The following SGCE variants were observed in gnomAD, a reference collection of about 807,000 sequenced individuals.
The protein encoded by SGCE is sarcoglycan epsilon, also known as epsilon-sarcoglycan.
A neutral mutation model predicts 57.8 loss-of-function variants in SGCE; 26 were observed. The observed-to-expected ratio is 0.45, with a 90% CI of 0.33 to 0.62. The LOEUF (loss-of-function observed/expected upper bound fraction) is 0.62. Ranked by LOEUF, SGCE falls within the 20% of genes least tolerant of loss-of-function variation. The pLI is 0.02. For missense variants in SGCE, 468 were observed against 548.6 expected, an observed-to-expected ratio of 0.85 and a Z score of 1.47; for synonymous variants, 183 against 189.5, an observed-to-expected ratio of 0.97 and a Z score of 0.28.
intron 4 of SGCE, among the ~76,000 whole-genome samples, chr7:94,622,787 T>C (rs1181170916): frequency 1.3e-5 from 2 of 152,184 alleles, no homozygotes; most frequent in Non-Finnish European, 2.9e-5. Flanking sequence ...AACTTTAAAT[T>C]GCTGAAAGAC....
chr7:94,647,506 G>C (rs1293856540), intron 1 of SGCE, among the ~76,000 whole-genome samples: 2 of 152,144 alleles, frequency 1.3e-5, no homozygotes, highest in African/African-American at 4.8e-5. Context: ...AACAGCTAAA[G>C]TGCTCTTTTT....
At chr7:94,616,066 TAGG>T (rs1363106716) in intron 5 of SGCE, among the ~76,000 whole-genome samples, 5 of 152,160 alleles carry the variant, frequency 3.3e-5, no homozygotes, top group African/African-American at 1.2e-4. Flanking sequence ...CTGTTTGATT[TAGG>T]AGAAGTTTGA....
At chr7:94,609,564 A>T (rs985460199) in intron 5 of SGCE, among the ~76,000 whole-genome samples, 1 of 152,220 alleles carries the variant, frequency 6.6e-6, no homozygotes, top group African/African-American at 2.4e-5. Flanking sequence ...CAGAGACCTT[A>T]ACAGACACCT....
chr7:94,588,686 C>T lies in SGCE; in HGVS notation c.1297+3G>A. The stretch of plus-strand genomic sequence containing the variant: ...ACATTAATTTATTATTCTTAGCACT[C>T]ACCTGTAGTCTGCTGTTGGGGAATC... On this transcript the variant is annotated splice_donor_region_variant and intron_variant, in intron 10 of 10. Transcript: ENST00000648936. 1.9e-6 allele frequency: 3 copies of T among 1,590,708 alleles called. No homozygotes were observed. Among genetic ancestry groups the T allele is most frequent in the Non-Finnish European group, 2.6e-6 (3 of 1,158,876 alleles).
Position 94,585,511 on chromosome 7 carries a change from T to C in SGCE, c.1302A>G (p.Lys434=). Residue 434 remains lysine (K), a synonymous_variant, in exon 11 of 11, where the codon AAA becomes AAG. Transcript: ENST00000648936. ...TQIPQQQTTG[K]WYP ...CAGTTTTCTTTCTTCAGGGATACCATTTACCTGCAATGTGTAAGAATGAAT... is the reference window on the plus strand; with the variant it reads ...CAGTTTTCTTTCTTCAGGGATACCACTTACCTGCAATGTGTAAGAATGAAT... The C allele has an allele frequency of 6.2e-7, 1 of 1,605,106 alleles. No individual in the cohort carries two copies. Among genetic ancestry groups the C allele is most frequent in the Non-Finnish European group, 8.5e-7 (1 of 1,171,894 alleles).
chr7:94,624,005 T>C (rs971473459), intron 3 of SGCE: 24 of 390,964 alleles, frequency 6.1e-5, no homozygotes, highest in African/African-American at 5.0e-4. Flanking sequence ...TTAGTAAACA[T>C]TTGCAGAGCC....
At chr7:94,654,288 GT>G (rs1353886373) in intron 1 of SGCE, among the ~76,000 whole-genome samples, 1 of 152,106 alleles carries the variant, frequency 6.6e-6, no homozygotes, top group Non-Finnish European at 1.5e-5. Context: ...AACTTTTAAA[GT>G]CTTAAGATGG....
chr7:94,626,999 ATT>A (rs1803822765), intron 3 of SGCE: 1 of 151,956 alleles, frequency 6.6e-6, no homozygotes, highest in South Asian at 2.1e-4. Context: ...GCATTTATAT[ATT>A]TCTTTTATAA....
intron 5 of SGCE, among the ~76,000 whole-genome samples, chr7:94,615,331 C>T (rs1387089252): frequency 6.6e-6 from 1 of 151,812 alleles, no homozygotes; most frequent in Non-Finnish European, 1.5e-5. Context: ...TGCACTCTAG[C>T]CTGGGTGACA....
Position 94,588,092 on chromosome 7 carries a change from G to A in SGCE, c.1297+597C>T. ...GAATAAGTTATCTACTCAGTATAGA[G>A]ATGAATGAAATAATTGGCTGTGGAA... is the stretch of plus-strand genomic sequence containing the variant. On this transcript the variant is annotated intron_variant, in intron 10 of 10. Transcript: ENST00000648936. 3 of 1,222,044 alleles carry A rather than the reference G, an allele frequency of 2.5e-6. No homozygotes were observed. In the South Asian group the frequency reaches 8.8e-5, roughly 36 times the overall value. The allele number at this position is 1,222,044 out of a possible 1,614,324, so 75.7% of individuals were successfully genotyped here. A position where few individuals can be genotyped will look rare whatever the true frequency, so the allele number is the denominator to read the frequency against.
At chr7:94,623,707 G>A (rs1803205161) in intron 3 of SGCE, 5 of 406,552 alleles carry the variant, frequency 1.2e-5, no homozygotes, top group Non-Finnish European at 2.2e-5. Flanking sequence ...TAACCATTAT[G>A]AATTACTTAC....
At chr7:94,587,322 A>G (rs1171968876) in intron 10 of SGCE, 1 of 1,000,750 alleles carries the variant, frequency 1.0e-6, no homozygotes, top group Non-Finnish European at 1.2e-6. Context: ...TGGGTAAGTA[A>G]GTAAAATCTG....
chr7:94,637,261 A>G (rs967178945), intron 1 of SGCE, among the ~76,000 whole-genome samples: 12 of 152,310 alleles, frequency 7.9e-5, no homozygotes, highest in African/African-American at 2.9e-4. Flanking sequence ...ATTTGTTATT[A>G]TAATTTTAAA....
At chr7:94,603,583 TC>T in intron 5 of SGCE, 131 bp from the exon 6 acceptor site, 1 of 794,570 alleles carries the variant, frequency 1.3e-6, no homozygotes, top group Non-Finnish European at 2.1e-6. Flanking sequence ...GGTAGGGGCC[TC>T]GGCTCTAAAA....
intron 1 of SGCE, among the ~76,000 whole-genome samples, chr7:94,636,566 T>C (rs1430090066): frequency 6.6e-6 from 1 of 152,128 alleles, no homozygotes; most frequent in African/African-American, 2.4e-5. Context: ...AAGAAGCTGA[T>C]GGCCCTCAGC....
chr7:94,655,532 G>T (rs1447629922), intron 1 of SGCE, among the ~76,000 whole-genome samples: 1 of 152,086 alleles, frequency 6.6e-6, no homozygotes. Context: ...AAGGAAAAAA[G>T]ATGTGTTTGT....
chr7:94,594,935 A>AG (rs897902922), intron 9 of SGCE, among the ~76,000 whole-genome samples: 1 of 152,114 alleles, frequency 6.6e-6, no homozygotes, highest in Non-Finnish European at 1.5e-5. Flanking sequence ...CTACATCTCC[A>AG]GGTTCTGCTC....
chr7:94,638,094 C>CTAAA (rs1312054607), intron 1 of SGCE, among the ~76,000 whole-genome samples: 1 of 152,122 alleles, frequency 6.6e-6, no homozygotes, highest in Non-Finnish European at 1.5e-5. Flanking sequence ...ATGGCAATAT[C>CTAAA]TAAAGAGAAT....
intron 1 of SGCE, among the ~76,000 whole-genome samples, chr7:94,641,234 T>C (rs528053421): frequency 2.2e-4 from 34 of 152,106 alleles, no homozygotes; most frequent in Non-Finnish European, 4.9e-4. Context: ...ATTTGAAAAG[T>C]GAGAAGTTAC....
Sources: gnomAD v4.1 joint callset for allele counts (sites outside exome capture counted in the v4.1 genomes callset) on GRCh38, gnomAD v4.1.1 for gene constraint, MANE v1.5 for transcripts, NCBI Gene and HGNC (gene_info 2026-07-23, HGNC 2026-07-21) for gene names.